The following NPSR1 variants were observed in gnomAD, a reference collection of about 807,000 sequenced individuals.
NPSR1 encodes neuropeptide S receptor.
NPSR1 carries 48 observed loss-of-function variants against 46.9 expected under a neutral mutation model. The observed-to-expected ratio is 1.02, with a 90% CI of 0.81 to 1.30. The LOEUF is 1.30. NPSR1 is among the 50% of genes most tolerant of loss of function. NPSR1 has a pLI of 0.00. For missense variants in NPSR1, 450 were observed against 449.5 expected (o/e 1.00, Z -0.01); for synonymous variants, 176 against 168.1 (o/e 1.05, Z -0.36).
intron 4 of NPSR1, among the ~76,000 whole-genome samples, chr7:34,823,417 C>CAAAAAAAAAA (rs79081202): frequency 1.9e-5 from 2 of 103,968 alleles, no homozygotes; most frequent in Non-Finnish European, 3.7e-5. Context: ...AAAAAAAAAA[C>CAAAAAAAAAA]AACACCATAA....
chr7:34,695,832 G>T (rs1270815974), intron 2 of NPSR1, among the ~76,000 whole-genome samples: 10 of 151,902 alleles, frequency 6.6e-5, no homozygotes, highest in Non-Finnish European at 8.8e-5. Context: ...TGAAGAAAAG[G>T]GTAGACTTAC....
At chr7:34,725,878 A>G (rs144740703) in intron 2 of NPSR1, among the ~76,000 whole-genome samples, 1 of 152,298 alleles carries the variant, frequency 6.6e-6, no homozygotes, top group East Asian at 1.9e-4. Flanking sequence ...AGTTTCCCCC[A>G]TACTGTTTCT....
Position 34,727,453 on chromosome 7 carries a change from C to T in NPSR1, c.280+42769C>T, listed in dbSNP as rs111688830. Among the ~76,000 whole-genome samples the T allele has an allele frequency of 1.4e-3, 218 of 152,234 alleles. 3 individuals carry two copies. The highest frequency in any genetic ancestry group is 4.6e-3 in the African/African-American group (193 of 41,540). ...TCAATGGTTTTTGCATAACATTTAA[C>T]GTAACTCTAGTTTGATATCAAAATC... On this transcript the variant is annotated intron_variant, in intron 2 of 8. Transcript: ENST00000360581.
chr7:34,835,908 C>T (rs1044923385), intron 6 of NPSR1, among the ~76,000 whole-genome samples: 3 of 152,190 alleles, frequency 2.0e-5, no homozygotes, highest in African/African-American at 7.2e-5. Flanking sequence ...TTCACTCCAT[C>T]TGGAGTGGGG....
intron 3 of NPSR1, among the ~76,000 whole-genome samples, chr7:34,792,082 C>G (rs1454277276): frequency 6.6e-6 from 1 of 152,044 alleles, no homozygotes; most frequent in Non-Finnish European, 1.5e-5. Flanking sequence ...AGATTAAAGA[C>G]TTAAATGTAA....
At chr7:34,794,144 G>C (rs1323833176) in intron 3 of NPSR1, among the ~76,000 whole-genome samples, 1 of 152,032 alleles carries the variant, frequency 6.6e-6, no homozygotes, top group Non-Finnish European at 1.5e-5. Context: ...ACGGGTTCTA[G>C]TGTTCTATTG....
At chr7:34,747,611 CACACACACACAT>C (rs77516309) in intron 2 of NPSR1, among the ~76,000 whole-genome samples, 22,584 of 152,066 alleles carry the variant, frequency 0.15, 1,773 homozygotes, top group Non-Finnish European at 0.17. Flanking sequence ...GCATCTTAGA[CACACACACACAT>C]ACACACACAC....
At chr7:34,766,577 A>ATTTTT (rs70978573) in intron 2 of NPSR1, among the ~76,000 whole-genome samples, 1 of 147,288 alleles carries the variant, frequency 6.8e-6, no homozygotes, top group South Asian at 2.1e-4. Context: ...ATGATGAATT[A>ATTTTT]TTTTTTTTTT....
intron 3 of NPSR1, among the ~76,000 whole-genome samples, chr7:34,810,566 G>T (rs1038814090): frequency 6.6e-6 from 1 of 152,194 alleles, no homozygotes; most frequent in Non-Finnish European, 1.5e-5. Context: ...GATGATAAAT[G>T]ATTCAACACC....
intron 3 of NPSR1, among the ~76,000 whole-genome samples, chr7:34,809,828 A>G (rs1012012283): frequency 2.0e-5 from 3 of 151,886 alleles, no homozygotes; most frequent in Non-Finnish European, 2.9e-5. Flanking sequence ...GTTCCCCTCT[A>G]TGTATCTGTG....
At chr7:34,827,643 C>CGGGGGGGGGGGGCA (rs1554336796) in intron 5 of NPSR1, 41 bp downstream of exon 5, 2 of 405,458 alleles carry the variant, frequency 4.9e-6, no homozygotes, top group African/African-American at 2.3e-5. Context: ...GGGGGTGGGG[C>CGGGGGGGGGGGGCA]GGGGGGGGCT....
At chr7:34,806,509 T>C (rs1009046774) in intron 3 of NPSR1, among the ~76,000 whole-genome samples, 3 of 151,750 alleles carry the variant, frequency 2.0e-5, no homozygotes, top group Admixed American at 1.3e-4. Context: ...AGATTTGGAG[T>C]AGGAAAGAGA....
At chr7:34,834,068 A>G in intron 5 of NPSR1, 1 of 356,564 alleles carries the variant, frequency 2.8e-6, no homozygotes, top group South Asian at 5.6e-5. Flanking sequence ...GAGGAGACCC[A>G]AGTTTTTCTG....
chr7:34,680,289 T>C (rs1488658889), intron 1 of NPSR1, among the ~76,000 whole-genome samples: 1 of 152,182 alleles, frequency 6.6e-6, no homozygotes, highest in Non-Finnish European at 1.5e-5. Flanking sequence ...ACAATTTATA[T>C]CTTGGCTGGC....
At chr7:34,852,190 C>G (rs1790949797), downstream of NPSR1, among the ~76,000 whole-genome samples, 1 of 152,114 alleles carries the variant, frequency 6.6e-6, no homozygotes, top group Admixed American at 6.5e-5. Flanking sequence ...GTCCCAGCTA[C>G]TCAGGAGGCT....
chr7:34,852,555 G>T (rs13340538), downstream of NPSR1, among the ~76,000 whole-genome samples: 27,165 of 151,968 alleles, frequency 0.18, 2,726 homozygotes, highest in Non-Finnish European at 0.24. Flanking sequence ...CTTTCCCCAG[G>T]GGACCAATGA....
At position 34,708,339 on chromosome 7, in the gene NPSR1, A is replaced by G. The variant is rs143642841; in HGVS notation, c.280+23655A>G. On this transcript the variant is annotated intron_variant, in intron 2 of 8. Coordinates refer to ENST00000360581, the MANE Select transcript of NPSR1 (RefSeq NM_207172.2). ...TGACATAACTAAGTTATAGGGTCAT[A>G]TTTGAACTAATCCATGGAACAAGAC... 3.1e-3 allele frequency among the ~76,000 whole-genome samples: 479 copies of G among 152,334 alleles called. 6 individuals are homozygous for G. Among genetic ancestry groups the G allele is most frequent in the African/African-American group, 0.011 (468 of 41,580 alleles).
intron 1 of NPSR1, among the ~76,000 whole-genome samples, chr7:34,679,553 A>G (rs1792507004): frequency 6.6e-6 from 1 of 152,148 alleles, no homozygotes; most frequent in Non-Finnish European, 1.5e-5. Flanking sequence ...AACTACATAT[A>G]ATAAAACCAG....
At chr7:34,734,918 T>G (rs561981983) in intron 2 of NPSR1, among the ~76,000 whole-genome samples, 6 of 152,196 alleles carry the variant, frequency 3.9e-5, no homozygotes, top group Admixed American at 3.9e-4. Context: ...CTTGCCCTCT[T>G]GGCTGTACTT....
Sources: gnomAD v4.1 joint callset for allele counts (sites outside exome capture counted in the v4.1 genomes callset) on GRCh38, gnomAD v4.1.1 for gene constraint, MANE v1.5 for transcripts, NCBI Gene and HGNC (gene_info 2026-07-23, HGNC 2026-07-21) for gene names.